The following ADGRV1 variants were observed in gnomAD, a reference collection of about 807,000 sequenced individuals.
The protein encoded by ADGRV1 is G-protein coupled receptor 98.
A neutral mutation model predicts 596.2 loss-of-function variants in ADGRV1; 359 were observed. The observed-to-expected ratio is 0.60, with a 90% CI of 0.55 to 0.66. ADGRV1 has a LOEUF of 0.66. Among genes scored for constraint, ADGRV1 ranks in the 30% least tolerant of loss-of-function variants. The probability of loss-of-function intolerance (pLI) is 0.00; values close to 1 mark genes in which losing one functional copy is unlikely to be tolerated. For synonymous variants in ADGRV1, 2,681 were observed against 2,679.2 expected (o/e 1.00, Z -0.02); for missense variants, 7,274 against 7,575.6 (o/e 0.96, Z 1.48).
At chr5:90,917,685 A>G (rs1160269610) in intron 83 of ADGRV1, among the ~76,000 whole-genome samples, 2 of 152,186 alleles carry the variant, frequency 1.3e-5, no homozygotes, top group African/African-American at 4.8e-5. Context: ...TAAACCAGCT[A>G]GAGTCTCATT....
At chr5:91,015,847 G>T (rs1416963262) in intron 85 of ADGRV1, among the ~76,000 whole-genome samples, 1 of 151,842 alleles carries the variant, frequency 6.6e-6, no homozygotes, top group South Asian at 2.1e-4. Context: ...CTTTTAAATG[G>T]GGCATTTAGC....
At chr5:90,765,898 T>C (rs914252154) in intron 59 of ADGRV1, among the ~76,000 whole-genome samples, 9 of 151,060 alleles carry the variant, frequency 6.0e-5, no homozygotes, top group Admixed American at 1.3e-4. Flanking sequence ...TAAAAATTTA[T>C]TTTATTTTAT....
chr5:90,708,789 G>A, intron 38 of ADGRV1, 27 bp from the exon 39 acceptor site: 1 of 1,416,792 alleles, frequency 7.1e-7, no homozygotes, highest in Non-Finnish European at 1.0e-6. Context: ...TATAACTAAA[G>A]GAATTTAATG....
chr5:91,032,630 T>C (rs550078110), intron 85 of ADGRV1, among the ~76,000 whole-genome samples: 132 of 152,142 alleles, frequency 8.7e-4, no homozygotes, highest in African/African-American at 3.1e-3. Flanking sequence ...ATTTATTCTT[T>C]CTTTGCCTTA....
intron 87 of ADGRV1, among the ~76,000 whole-genome samples, chr5:91,141,839 C>G (rs1465439200): frequency 6.6e-6 from 1 of 152,120 alleles, no homozygotes; most frequent in African/African-American, 2.4e-5. Flanking sequence ...ACAGCAAAAG[C>G]AACAAGCCCT....
intron 1 of ADGRV1, 22 bp downstream of exon 1, chr5:90,558,939 G>A: frequency 6.4e-7 from 1 of 1,551,894 alleles, no homozygotes; most frequent in Non-Finnish European, 8.7e-7. Context: ...CTGAGGGGTG[G>A]TGCTGCGAGC....
At chr5:90,701,493 A>G (rs1396174342) in intron 34 of ADGRV1, among the ~76,000 whole-genome samples, 1 of 151,990 alleles carries the variant, frequency 6.6e-6, no homozygotes, top group Non-Finnish European at 1.5e-5. Context: ...CTTGCTGTTG[A>G]CATGATACAT....
At chr5:90,942,956 A>G (rs961117841) in intron 83 of ADGRV1, among the ~76,000 whole-genome samples, 13 of 152,146 alleles carry the variant, frequency 8.5e-5, no homozygotes, top group African/African-American at 2.4e-4. Context: ...GACCCAAGTC[A>G]TAGACTCCAG....
At chr5:90,751,560 G>T (rs1158688851) in intron 53 of ADGRV1, among the ~76,000 whole-genome samples, 1 of 151,660 alleles carries the variant, frequency 6.6e-6, no homozygotes, top group Non-Finnish European at 1.5e-5. Context: ...ATAAGAATGA[G>T]CCAAATAAGT....
chr5:90,781,672 G>A (rs1758869104), intron 65 of ADGRV1, 94 bp downstream of exon 65: 1 of 1,154,846 alleles, frequency 8.7e-7, no homozygotes, highest in Admixed American at 2.6e-5. Flanking sequence ...TTAGTTTGGT[G>A]TGGGTGTGTG....
At chr5:90,967,456 C>T (rs981073572) in intron 84 of ADGRV1, among the ~76,000 whole-genome samples, 23 of 152,034 alleles carry the variant, frequency 1.5e-4, no homozygotes, top group South Asian at 4.1e-4. Context: ...ATAACATTTG[C>T]GAGATTTTCT....
chr5:90,712,290 C>A lies in ADGRV1; in HGVS notation c.9046C>A (p.Leu3016Ile). Residue 3016 changes from leucine (L) to isoleucine (I), a missense_variant, in exon 42 of 90, where the codon CTT becomes ATT. Coordinates refer to ENST00000405460, the MANE Select transcript of ADGRV1 (RefSeq NM_032119.4). The part of the protein sequence containing the change: ...GLDYIFTPMI[L>I]HFADGERYKN... ...CTGCTTTTACCTTTTTGACCAGATT[C>A]TTCATTTTGCTGATGGAGAAAGGTA... The A allele has an allele frequency of 6.6e-7, 1 of 1,524,106 alleles. No individual in the cohort carries two copies. Among genetic ancestry groups the A allele is most frequent in the South Asian group, 1.2e-5 (1 of 80,168 alleles). The allele number at this position is 1,524,106 out of a possible 1,614,324, so 94.4% of individuals were successfully genotyped here. A position where few individuals can be genotyped will look rare whatever the true frequency, so the allele number is the denominator to read the frequency against.
rs768573919 is a variant in ADGRV1, at chr5:90,703,806, A to G, written c.8286+11A>G. 2 of 1,569,704 alleles carry G rather than the reference A, an allele frequency of 1.3e-6. No homozygotes were observed. Among genetic ancestry groups the G allele is most frequent in the East Asian group, 2.3e-5 (1 of 44,002 alleles). The stretch of plus-strand genomic sequence containing the variant: ...CTTTTCTTTCCTGAGGTAATACTGC[A>G]AAGAAAAGTCGATCACAAATATCTA... On this transcript the variant is annotated intron_variant, in intron 35 of 89. Transcript: ENST00000405460.
intron 87 of ADGRV1, among the ~76,000 whole-genome samples, chr5:91,126,639 A>G (rs1793784325): frequency 6.6e-6 from 1 of 152,224 alleles, no homozygotes; most frequent in African/African-American, 2.4e-5. Context: ...TGCCAAATTC[A>G]GTAAGTCATG....
chr5:91,160,376 A>G (rs1404994304), intron 89 of ADGRV1, among the ~76,000 whole-genome samples: 1 of 152,160 alleles, frequency 6.6e-6, no homozygotes, highest in Non-Finnish European at 1.5e-5. Context: ...TTTTCCTCAG[A>G]AAAAGATGGA....
intron 48 of ADGRV1, among the ~76,000 whole-genome samples, chr5:90,726,863 T>C (rs1004563654): frequency 6.6e-6 from 1 of 152,234 alleles, no homozygotes; most frequent in Non-Finnish European, 1.5e-5. Flanking sequence ...TTTTAAATTA[T>C]ATCTGTAGCC....
At chr5:90,861,490 T>C (rs1383362619) in intron 82 of ADGRV1, among the ~76,000 whole-genome samples, 1 of 151,222 alleles carries the variant, frequency 6.6e-6, no homozygotes, top group Non-Finnish European at 1.5e-5. Context: ...TTTGTATTTT[T>C]AGTAGAGACA....
intron 51 of ADGRV1, 26 bp downstream of exon 51, chr5:90,745,291 A>G (rs1451066223): frequency 2.9e-6 from 4 of 1,401,928 alleles, no homozygotes; most frequent in Non-Finnish European, 2.9e-6. Context: ...TTTGCTAAGT[A>G]TCTTTATGTT....
intron 2 of ADGRV1, chr5:90,617,573 G>A (rs780856905): frequency 4.1e-5 from 14 of 341,390 alleles, no homozygotes; most frequent in African/African-American, 3.0e-4. Flanking sequence ...CTCCCAAAGT[G>A]CTGGGATTAC....
Sources: allele counts gnomAD v4.1 joint callset (sites outside exome capture counted in the v4.1 genomes callset), GRCh38; gene constraint gnomAD v4.1.1; transcripts MANE v1.5; gene names NCBI Gene and HGNC (gene_info 2026-07-23, HGNC 2026-07-21).